TNIP3: variants seen among roughly 807,000 people sequenced by gnomAD.
The protein encoded by TNIP3 is TNFAIP3-interacting protein 3.
A neutral mutation model predicts 54.1 loss-of-function variants in TNIP3; 34 were observed. That is an observed-to-expected ratio of 0.63 (90% CI 0.48 to 0.84). The LOEUF is 0.84. Among genes scored for constraint, TNIP3 ranks in the 40% least tolerant of loss-of-function variants. The pLI is 0.00. For missense variants in TNIP3, 366 were observed against 387.6 expected (o/e 0.94, Z 0.47); for synonymous variants, 134 against 136.8 (o/e 0.98, Z 0.14).
At chr4:121,199,171 A>G (rs1399446805) in intron 2 of TNIP3, among the ~76,000 whole-genome samples, 1 of 152,176 alleles carries the variant, frequency 6.6e-6, no homozygotes, top group Admixed American at 6.5e-5. Context: ...ACAAAGCAAA[A>G]CAAAAAACAA....
chr4:121,140,356 A>C (rs1729044785), intron 9 of TNIP3, among the ~76,000 whole-genome samples: 1 of 151,982 alleles, frequency 6.6e-6, no homozygotes. Flanking sequence ...AAAAGAAAAA[A>C]AGAAAGAAAA....
At chr4:121,158,510 G>A (rs936503611) in intron 3 of TNIP3, among the ~76,000 whole-genome samples, 177 bp downstream of exon 3, 3 of 152,058 alleles carry the variant, frequency 2.0e-5, no homozygotes, top group African/African-American at 2.4e-5. Flanking sequence ...CACTGACACC[G>A]TTCATTAATT....
chr4:121,201,719 A>G (rs1321725826), intron 2 of TNIP3, among the ~76,000 whole-genome samples: 1 of 152,208 alleles, frequency 6.6e-6, no homozygotes, highest in South Asian at 2.1e-4. Flanking sequence ...ATTCATTTGT[A>G]TATTAATTAA....
At chr4:121,162,027 G>T (rs1282791410) in intron 1 of TNIP3, among the ~76,000 whole-genome samples, 3 of 152,086 alleles carry the variant, frequency 2.0e-5, no homozygotes, top group Non-Finnish European at 4.4e-5. Flanking sequence ...CAATTTATTG[G>T]ATGATGAGAG....
chr4:121,141,955 G>A (rs1490400193), intron 8 of TNIP3, 41 bp from the exon 9 acceptor site: 2 of 1,409,280 alleles, frequency 1.4e-6, no homozygotes, highest in Non-Finnish European at 1.9e-6. Flanking sequence ...CAGTGGGAGA[G>A]ACTGAGGAGT....
intron 2 of TNIP3, among the ~76,000 whole-genome samples, chr4:121,203,533 T>C (rs1466491661): frequency 6.6e-6 from 1 of 152,052 alleles, no homozygotes; most frequent in Non-Finnish European, 1.5e-5. Flanking sequence ...TTCCGGGTGA[T>C]AGTGCACCAA....
chr4:121,145,989 A>AG (rs200038122), intron 7 of TNIP3, among the ~76,000 whole-genome samples: 3,283 of 151,774 alleles, frequency 0.022, 74 homozygotes, highest in Admixed American at 0.036. Context: ...TAAAAAAAAA[A>AG]AGAGAGAGAG....
rs945726457 is a variant in TNIP3 at position 121,138,532 on chromosome 4, A to G, written c.946+92T>C. ...CACAACTTTATAGTAAGTCCTCCCC[A>G]AGTACGAATGAATGTATGTTGAGTA... On this transcript the variant is annotated intron_variant, in intron 10 of 10. Coordinates refer to ENST00000057513, the MANE Select transcript of TNIP3 (RefSeq NM_024873.6). 4.9e-6 allele frequency: 6 copies of G among 1,226,610 alleles called. No individual in the cohort carries two copies. In the African/African-American group the frequency reaches 7.5e-5, roughly 15 times the overall value. 76.0% of individuals were successfully genotyped at this position (1,226,610 alleles called of 1,614,324 possible).
At chr4:121,225,306 T>C (rs973720783) in intron 1 of TNIP3, among the ~76,000 whole-genome samples, 6 of 152,348 alleles carry the variant, frequency 3.9e-5, no homozygotes, top group African/African-American at 1.2e-4. Flanking sequence ...GCTAGAATAT[T>C]TTCCCCCCAT....
At chr4:121,186,646 A>G (rs1234536591) in intron 2 of TNIP3, among the ~76,000 whole-genome samples, 2 of 152,218 alleles carry the variant, frequency 1.3e-5, no homozygotes, top group Non-Finnish European at 2.9e-5. Flanking sequence ...TACAATGCTT[A>G]GCACAGTGCC....
At chr4:121,200,967 G>A (rs1000086631) in intron 2 of TNIP3, among the ~76,000 whole-genome samples, 1 of 152,094 alleles carries the variant, frequency 6.6e-6, no homozygotes, top group African/African-American at 2.4e-5. Context: ...TGAAAGTAAA[G>A]GTCAATTTTT....
Position 121,186,765 on chromosome 4 carries a change from T to C in TNIP3, c.69-3969A>G, listed in dbSNP as rs1725044768. 2.0e-5 allele frequency among the ~76,000 whole-genome samples: 3 copies of C among 152,128 alleles called. No individual in the cohort carries two copies. In the South Asian group the frequency reaches 6.2e-4, roughly 32 times the overall value. ...AGTTTGGAAAGTAGGAGCCATAAAT[T>C]TAGTATACCACCATAAAGAAAAGAA... On this transcript the variant is annotated intron_variant, in intron 2 of 12. Coordinates refer to the TNIP3 transcript ENST00000507879.
intron 3 of TNIP3, among the ~76,000 whole-genome samples, chr4:121,176,696 A>T (rs1189529165): frequency 6.9e-6 from 1 of 144,748 alleles, no homozygotes; most frequent in African/African-American, 2.7e-5. Flanking sequence ...GAAATAAGAA[A>T]AGGAAAGCCA....
At chr4:121,198,068 C>A (rs778213233) in intron 2 of TNIP3, among the ~76,000 whole-genome samples, 2 of 151,280 alleles carry the variant, frequency 1.3e-5, no homozygotes, top group African/African-American at 4.9e-5. Flanking sequence ...CTAGAGGATG[C>A]GGATAATAGA....
chr4:121,226,330 C>G (rs1727255187), intron 1 of TNIP3, among the ~76,000 whole-genome samples: 1 of 152,142 alleles, frequency 6.6e-6, no homozygotes, highest in African/African-American at 2.4e-5. Context: ...TTTTTCTCTT[C>G]TAGACTTTAA....
upstream of TNIP3, among the ~76,000 whole-genome samples, chr4:121,217,265 A>G (rs1026574896): frequency 1.3e-5 from 2 of 152,166 alleles, no homozygotes; most frequent in Non-Finnish European, 2.9e-5. Context: ...GGAAACCACC[A>G]ATTGCTGAGA....
chr4:121,145,643 T>C (rs758801761), intron 7 of TNIP3, among the ~76,000 whole-genome samples: 2 of 149,524 alleles, frequency 1.3e-5, no homozygotes, highest in African/African-American at 2.4e-5. Context: ...ATTTATCATA[T>C]AAAAATAAAT....
chr4:121,150,957 G>A lies in TNIP3; in HGVS notation c.493-738C>T, dbSNP rs141651562. Among the ~76,000 whole-genome samples, 628 of 152,238 alleles carry A rather than the reference G, an allele frequency of 4.1e-3. 3 individuals are homozygous for A. Among genetic ancestry groups the A allele is most frequent in the African/African-American group, 0.015 (603 of 41,536 alleles). On this transcript the variant is annotated intron_variant, in intron 5 of 10. Coordinates refer to ENST00000057513, the MANE Select transcript of TNIP3 (RefSeq NM_024873.6). ...ATGCTTTTAGCATGACATGAGGAGA[G>A]GAAAGAAAGAAGTAATACCTGTATT...
chr4:121,204,477 G>A (rs1181246019), intron 2 of TNIP3, among the ~76,000 whole-genome samples: 1 of 152,068 alleles, frequency 6.6e-6, no homozygotes, highest in African/African-American at 2.4e-5. Flanking sequence ...TGACCACCTT[G>A]GGCACATGTC....
Sources: allele counts gnomAD v4.1 joint callset (sites outside exome capture counted in the v4.1 genomes callset), GRCh38; gene constraint gnomAD v4.1.1; transcripts MANE v1.5; gene names NCBI Gene and HGNC (gene_info 2026-07-23, HGNC 2026-07-21).